SIN3A: variants seen among roughly 807,000 people sequenced by gnomAD.
SIN3A encodes the protein SIN3 transcription regulator family member A.
SIN3A carries 14 observed loss-of-function variants against 146.1 expected under a neutral mutation model. The observed-to-expected ratio is 0.10, with a 90% CI of 0.06 to 0.15. The LOEUF is 0.15. Ranked by LOEUF, SIN3A falls within the 10% of genes least tolerant of loss-of-function variation. The pLI, the probability that SIN3A is intolerant of heterozygous loss-of-function variation, is 1.00. For synonymous variants in SIN3A, 572 were observed against 572.0 expected (o/e 1.00, Z 0.00); for missense variants, 1,028 against 1,576.0 (o/e 0.65, Z 5.89).
At chr15:75,447,253 G>C (rs1488825005) in intron 1 of SIN3A, among the ~76,000 whole-genome samples, 1 of 152,232 alleles carries the variant, frequency 6.6e-6, no homozygotes, top group Admixed American at 6.5e-5. Context: ...ATCCAAGCTA[G>C]AGATGCACAG....
intron 16 of SIN3A, among the ~76,000 whole-genome samples, chr15:75,385,154 TG>T (rs1256468730): frequency 1.3e-5 from 2 of 152,098 alleles, no homozygotes; most frequent in Admixed American, 1.3e-4. Context: ...CACCGTGAGC[TG>T]GGGTGAGGAA....
chr15:75,388,963 G>A (rs746650131), intron 16 of SIN3A: 2 of 152,266 alleles, frequency 1.3e-5, no homozygotes, highest in Non-Finnish European at 2.9e-5. Context: ...TCTGTTACAA[G>A]CTATTTTTTA....
chr15:75,442,445 T>C (rs1241309701), intron 1 of SIN3A, among the ~76,000 whole-genome samples: 3 of 151,114 alleles, frequency 2.0e-5, no homozygotes, highest in Admixed American at 6.6e-5. Context: ...GAAGGTGGGA[T>C]TGCAGGCATA....
intron 1 of SIN3A, among the ~76,000 whole-genome samples, chr15:75,450,932 C>A (rs1187607215): frequency 6.6e-6 from 1 of 152,134 alleles, no homozygotes; most frequent in Non-Finnish European, 1.5e-5. Flanking sequence ...ACGGCCCCTC[C>A]GGCCAACCGG....
At position 75,371,789 on chromosome 15, in the gene SIN3A, G is replaced by A; in HGVS notation, c.*190C>T. 1 of 589,596 alleles carries A rather than the reference G, an allele frequency of 1.7e-6. No individual in the cohort carries two copies. 36.5% of individuals were successfully genotyped at this position (589,596 alleles called of 1,614,324 possible). On this transcript the variant is annotated 3_prime_UTR_variant, in exon 21 of 21. Coordinates refer to ENST00000394947, the MANE Select transcript of SIN3A (RefSeq NM_001145358.2). ...AAAGTTCCAGCTTCAGCTTTGTAAGGTATTCATGTTCCTAACAGGTAGCCC... is the reference window on the plus strand; with the variant it reads ...AAAGTTCCAGCTTCAGCTTTGTAAGATATTCATGTTCCTAACAGGTAGCCC...
chr15:75,413,346 C>A (rs1567372434), intron 4 of SIN3A, among the ~76,000 whole-genome samples: 1 of 151,890 alleles, frequency 6.6e-6, no homozygotes, highest in Non-Finnish European at 1.5e-5. Flanking sequence ...GTCTCGAACT[C>A]CTGACCTCAG....
intron 20 of SIN3A, among the ~76,000 whole-genome samples, chr15:75,372,422 A>G (rs1030074844): frequency 3.9e-5 from 6 of 152,142 alleles, no homozygotes; most frequent in Admixed American, 1.3e-4. Context: ...AGGGCATGAA[A>G]ATCCATAAAG....
intron 3 of SIN3A, chr15:75,415,649 C>T: frequency 6.3e-6 from 1 of 159,908 alleles, no homozygotes; most frequent in South Asian, 1.6e-4. Flanking sequence ...GTCAGGAGTT[C>T]GAGACCAGCC....
chr15:75,391,277 T>C (rs2073194542), intron 15 of SIN3A, among the ~76,000 whole-genome samples: 1 of 152,198 alleles, frequency 6.6e-6, no homozygotes, highest in African/African-American at 2.4e-5. Flanking sequence ...GACAACATTA[T>C]GTAAGCCTCA....
chr15:75,399,769 C>T (rs1340533884), intron 12 of SIN3A, among the ~76,000 whole-genome samples: 1 of 152,150 alleles, frequency 6.6e-6, no homozygotes, highest in African/African-American at 2.4e-5. Context: ...AAATGCCATG[C>T]AAAATCAAAA....
chr15:75,396,985 G>A (rs764633559), intron 12 of SIN3A, among the ~76,000 whole-genome samples: 12 of 152,098 alleles, frequency 7.9e-5, no homozygotes, highest in Non-Finnish European at 2.9e-5. Flanking sequence ...GGTTTAACTT[G>A]AAATATTTAA....
At chr15:75,427,260 C>A (rs530679363) in intron 2 of SIN3A, among the ~76,000 whole-genome samples, 1 of 152,224 alleles carries the variant, frequency 6.6e-6, no homozygotes, top group South Asian at 2.1e-4. Flanking sequence ...GTAATCCCAG[C>A]GACTCAAGAG....
At chr15:75,449,352 C>A (rs1223310296) in intron 1 of SIN3A, among the ~76,000 whole-genome samples, 1 of 152,218 alleles carries the variant, frequency 6.6e-6, no homozygotes, top group East Asian at 1.9e-4. Flanking sequence ...AAGCACAAAT[C>A]TAGAATTTCA....
At chr15:75,384,052 AG>A in intron 17 of SIN3A, 1 of 312,910 alleles carries the variant, frequency 3.2e-6, no homozygotes, top group East Asian at 5.6e-5. Flanking sequence ...ATATATAACT[AG>A]TTTTTTTTTT....
rs1335619730 is a variant in SIN3A at position 75,370,211 on chromosome 15, G to A, written c.*1768C>T. The stretch of plus-strand genomic sequence containing the variant: ...TATGATCGTGGCACTGCACTCCAGT[G>A]TGGGTCATAAAGCGAGACACTGTCT... On this transcript the variant is annotated 3_prime_UTR_variant, in exon 21 of 21. Coordinates refer to ENST00000394947, the MANE Select transcript of SIN3A (RefSeq NM_001145358.2). The A allele has an allele frequency of 6.6e-6, 1 of 152,280 alleles. No homozygotes were observed. 9.4% of individuals were successfully genotyped at this position (152,280 alleles called of 1,614,324 possible). A position where few individuals can be genotyped will look rare whatever the true frequency, so the allele number is the denominator to read the frequency against.
At chr15:75,401,012 C>T in intron 10 of SIN3A, 72 bp from the exon 11 acceptor site, 1 of 1,067,272 alleles carries the variant, frequency 9.4e-7, no homozygotes, top group Non-Finnish European at 1.4e-6. Flanking sequence ...TGACTACTAC[C>T]ATCTGGTTTT....
At chr15:75,429,191 G>T (rs573661841) in intron 2 of SIN3A, among the ~76,000 whole-genome samples, 1 of 152,182 alleles carries the variant, frequency 6.6e-6, no homozygotes, top group East Asian at 1.9e-4. Flanking sequence ...AGGCTGGCTG[G>T]GGGAGGATAG....
intron 14 of SIN3A, among the ~76,000 whole-genome samples, chr15:75,393,066 C>A (rs1448584431): frequency 6.6e-6 from 1 of 152,136 alleles, no homozygotes; most frequent in East Asian, 1.9e-4. Context: ...CCCGCCTCTA[C>A]TAAAAATAAC....
intron 17 of SIN3A, 46 bp downstream of exon 17, chr15:75,384,218 T>A: frequency 6.7e-7 from 1 of 1,500,452 alleles, no homozygotes; most frequent in Non-Finnish European, 9.1e-7. Context: ...TCCTAACAAC[T>A]GACATTGTCA....
Sources: gnomAD v4.1 joint callset for allele counts (sites outside exome capture counted in the v4.1 genomes callset) on GRCh38, gnomAD v4.1.1 for gene constraint, MANE v1.5 for transcripts, NCBI Gene and HGNC (gene_info 2026-07-23, HGNC 2026-07-21) for gene names.